Variants in PCDH17 observed in about 807,000 individuals in gnomAD.
The protein encoded by PCDH17 is protocadherin 17.
In PCDH17, 21 loss-of-function variants were observed where a neutral mutation model predicts 67.7. The ratio of observed to expected loss-of-function variants is 0.31; its 90% CI spans 0.22 to 0.45. The LOEUF is 0.45. Among genes scored for constraint, PCDH17 ranks in the 20% least tolerant of loss-of-function variants. PCDH17 has a pLI of 1.00. For synonymous variants in PCDH17, 701 were observed against 656.7 expected, an observed-to-expected ratio of 1.07 and a Z score of -1.03; for missense variants, 1,471 against 1,564.8, an observed-to-expected ratio of 0.94 and a Z score of 1.01.
chr13:57,681,040 A>G (rs549090373), intron 3 of PCDH17, among the ~76,000 whole-genome samples: 1 of 151,774 alleles, frequency 6.6e-6, no homozygotes. Flanking sequence ...CATTGTCGCA[A>G]GCAAGTGCTT....
intron 3 of PCDH17, among the ~76,000 whole-genome samples, chr13:57,674,570 T>G (rs1165473981): frequency 6.6e-6 from 1 of 151,880 alleles, no homozygotes; most frequent in East Asian, 1.9e-4. Context: ...CAAGTAATTC[T>G]TCCGCTTCAG....
intron 3 of PCDH17, chr13:57,709,608 T>C (rs1011734630): frequency 1.3e-5 from 2 of 152,150 alleles, no homozygotes; most frequent in African/African-American, 4.8e-5. Flanking sequence ...CATAATTCAG[T>C]TGGCCCTTTT....
chr13:57,703,256 A>G (rs970759264), intron 3 of PCDH17, among the ~76,000 whole-genome samples: 1 of 152,192 alleles, frequency 6.6e-6, no homozygotes, highest in African/African-American at 2.4e-5. Flanking sequence ...AGCACCAGAT[A>G]TGAACTGCTT....
chr13:57,661,481 C>CT (rs2138016410), intron 1 of PCDH17, among the ~76,000 whole-genome samples: 1 of 152,270 alleles, frequency 6.6e-6, no homozygotes, highest in Non-Finnish European at 1.5e-5. Context: ...TAAACTCCAA[C>CT]TTTTTCTTCT....
intron 1 of PCDH17, among the ~76,000 whole-genome samples, chr13:57,648,125 G>C (rs1184454763): frequency 6.6e-6 from 1 of 151,884 alleles, no homozygotes; most frequent in East Asian, 1.9e-4. Flanking sequence ...CGATATTACA[G>C]TTTGGATTTT....
At chr13:57,661,983 C>A (rs1309191960) in intron 1 of PCDH17, among the ~76,000 whole-genome samples, 1 of 152,092 alleles carries the variant, frequency 6.6e-6, no homozygotes, top group Non-Finnish European at 1.5e-5. Context: ...CCTCAGCCAC[C>A]CAAGTAGCTG....
intron 3 of PCDH17, among the ~76,000 whole-genome samples, chr13:57,687,923 C>T (rs896598164): frequency 2.6e-5 from 4 of 151,978 alleles, no homozygotes; most frequent in Non-Finnish European, 5.9e-5. Flanking sequence ...CAGGTTCAAA[C>T]ATTTTCAGGA....
chr13:57,700,638 G>A (rs1449107580), intron 3 of PCDH17, among the ~76,000 whole-genome samples: 1 of 152,092 alleles, frequency 6.6e-6, no homozygotes, highest in East Asian at 1.9e-4. Context: ...GATTAAAGAA[G>A]CCTAATGGTG....
At chr13:57,704,253 T>A (rs1162021099) in intron 3 of PCDH17, among the ~76,000 whole-genome samples, 2 of 152,108 alleles carry the variant, frequency 1.3e-5, no homozygotes, top group Non-Finnish European at 1.5e-5. Flanking sequence ...CTCTTCTTTG[T>A]AGCCATTGTC....
Position 57,633,569 on chromosome 13 carries a change from C to T in PCDH17, c.1023C>T (p.Leu341=). The change falls in exon 1 of 4, where the codon CTC becomes CTT. Residue 341 remains leucine, a synonymous_variant. Coordinates refer to ENST00000377918, the MANE Select transcript of PCDH17 (RefSeq NM_001040429.3). The surrounding 1 kb of genome is among the most constrained non-coding windows in gnomAD (Gnocchi z 6.2). ...CCCACTGCAAAGTCACGGTCAAGCT[C>T]ATCGACCGCAACGACAATGCGCCGT... is the stretch of plus-strand genomic sequence containing the variant. ...IPAHCKVTVK[L]IDRNDNAPSI... 6.2e-7 allele frequency: 1 copy of T among 1,613,592 alleles called. No homozygotes were observed. The highest frequency in any genetic ancestry group is 1.3e-5 in the African/African-American group (1 of 75,074).
At chr13:57,699,686 A>G (rs1662906369) in intron 3 of PCDH17, among the ~76,000 whole-genome samples, 1 of 151,756 alleles carries the variant, frequency 6.6e-6, no homozygotes, top group Non-Finnish European at 1.5e-5. Flanking sequence ...TATTCTTAAC[A>G]TTTCCCTATT....
chr13:57,687,881 C>T (rs1227365074), intron 3 of PCDH17, among the ~76,000 whole-genome samples: 1 of 151,972 alleles, frequency 6.6e-6, no homozygotes, highest in Non-Finnish European at 1.5e-5. Flanking sequence ...GAGCTAAGTC[C>T]TCACACGTGG....
At chr13:57,702,052 G>A (rs1955669315) in intron 3 of PCDH17, among the ~76,000 whole-genome samples, 1 of 151,808 alleles carries the variant, frequency 6.6e-6, no homozygotes, top group Admixed American at 6.6e-5. Flanking sequence ...CGAGTAGCTG[G>A]GATTACAGGG....
At chr13:57,679,623 A>G (rs1955429176) in intron 3 of PCDH17, among the ~76,000 whole-genome samples, 1 of 151,402 alleles carries the variant, frequency 6.6e-6, no homozygotes, top group Non-Finnish European at 1.5e-5. Flanking sequence ...ATTTTCTTTG[A>G]GGATTTGAAA....
intron 3 of PCDH17, among the ~76,000 whole-genome samples, chr13:57,668,247 G>A (rs1370604892): frequency 1.3e-5 from 2 of 151,938 alleles, no homozygotes; most frequent in African/African-American, 4.8e-5. Context: ...TTCAATAATG[G>A]CTTGTTGAAA....
At chr13:57,641,471 G>T (rs1954891852) in intron 1 of PCDH17, among the ~76,000 whole-genome samples, 1 of 145,480 alleles carries the variant, frequency 6.9e-6, no homozygotes, top group Non-Finnish European at 1.5e-5. Context: ...ATGAAAAATT[G>T]TGGCTCTGTG....
chr13:57,657,367 A>G (rs1407624833), intron 1 of PCDH17, among the ~76,000 whole-genome samples: 1 of 152,174 alleles, frequency 6.6e-6, no homozygotes, highest in African/African-American at 2.4e-5. Flanking sequence ...ACCACACTAT[A>G]CTTGTATAAA....
chr13:57,659,131 G>GTGTGTGTA (rs1555284149), intron 1 of PCDH17, among the ~76,000 whole-genome samples: 40 of 150,698 alleles, frequency 2.7e-4, no homozygotes, highest in African/African-American at 7.1e-4. Flanking sequence ...GTGTGTGTGT[G>GTGTGTGTA]TATACACACA....
intron 3 of PCDH17, among the ~76,000 whole-genome samples, chr13:57,681,946 C>G (rs564756232): frequency 6.6e-6 from 1 of 151,724 alleles, no homozygotes; most frequent in African/African-American, 2.4e-5. Flanking sequence ...TTTAATGAGA[C>G]TCTACAATGT....
Sources: gnomAD v4.1 joint callset for allele counts (sites outside exome capture counted in the v4.1 genomes callset) on GRCh38, gnomAD v4.1.1 for gene constraint, Gnocchi (gnomAD v3.1) non-coding constraint, MANE v1.5 for transcripts, NCBI Gene and HGNC (gene_info 2026-07-23, HGNC 2026-07-21) for gene names.